FSD1L: variants seen among roughly 807,000 people sequenced by gnomAD.
FSD1L encodes fibronectin type III and SPRY domain containing 1 like, also known as FSD1-like protein.
FSD1L carries 45 observed loss-of-function variants against 71.6 expected under a neutral mutation model. The observed-to-expected ratio is 0.63, with a 90% CI of 0.49 to 0.81. FSD1L has a LOEUF of 0.81. Among genes scored for constraint, FSD1L ranks in the 30% least tolerant of loss-of-function variants. The pLI, the probability that FSD1L is intolerant of heterozygous loss-of-function variation, is 0.00. For synonymous variants in FSD1L, 197 were observed against 207.2 expected (o/e 0.95, Z 0.42); for missense variants, 561 against 618.1 (o/e 0.91, Z 0.98).
rs1048362693 is a variant in FSD1L at position 105,453,042 on chromosome 9, T to C, written c.15+4807T>C. Among the ~76,000 whole-genome samples the C allele has an allele frequency of 1.6e-4, 19 of 120,322 alleles. 1 individual carries two copies. Among genetic ancestry groups the C allele is most frequent in the African/African-American group, 5.9e-4 (17 of 28,880 alleles). The allele number at this position is 120,322 out of a possible 152,430, so 78.9% of individuals were successfully genotyped here. A position where few individuals can be genotyped will look rare whatever the true frequency, so the allele number is the denominator to read the frequency against. On this transcript the variant is annotated intron_variant, in intron 1 of 13. Transcript: ENST00000481272. ...ATGAGCCATCACGTCTGACCTAAAG[T>C]TGTTTTTTTTTTTTTTTTTTTTTTG...
rs368425880 is a variant in FSD1L, at chr9:105,526,200, ATC to A, written c.1026-8289_1026-8288del. 149 of 1,595,808 alleles carry A rather than the reference ATC, an allele frequency of 9.3e-5. No individual in the cohort carries two copies. In the African/African-American group the frequency reaches 1.7e-3, roughly 18 times the overall value. The stretch of plus-strand genomic sequence containing the variant: ...CTATAAATGCAAGCCGTGCTCTGAA[ATC>A]TCTGATTCCATTGTATCAAAACTTC... On this transcript the variant is annotated intron_variant, in intron 10 of 13. Coordinates refer to ENST00000481272, the MANE Select transcript of FSD1L (RefSeq NM_001145313.3).
At chr9:105,494,709 T>C (rs904292250) in intron 7 of FSD1L, among the ~76,000 whole-genome samples, 1 of 152,198 alleles carries the variant, frequency 6.6e-6, no homozygotes, top group Non-Finnish European at 1.5e-5. Flanking sequence ...TTGTTAGTTT[T>C]CCTTCTAACA....
In FSD1L at chr9:105,551,725, T is replaced by G. The variant is rs1384426592; in HGVS notation, c.*5242T>G. Reference sequence around the variant, plus strand: ...TTGTATTTTCTCAAGCCTATTACTCTAGAGCTGTAAAAGCTCTTGCACAGC... The same window carrying G: ...TTGTATTTTCTCAAGCCTATTACTCGAGAGCTGTAAAAGCTCTTGCACAGC... On this transcript the variant is annotated 3_prime_UTR_variant, in exon 14 of 14. Transcript: ENST00000481272. 1 of 152,230 alleles carries G rather than the reference T, an allele frequency of 6.6e-6. No individual in the cohort carries two copies. The highest frequency in any genetic ancestry group is 2.4e-5 in the African/African-American group (1 of 41,478). The allele number at this position is 152,230 out of a possible 1,614,324, so 9.4% of individuals were successfully genotyped here.
chr9:105,476,623 A>G (rs559978396), intron 5 of FSD1L, among the ~76,000 whole-genome samples: 7 of 152,308 alleles, frequency 4.6e-5, no homozygotes, highest in Middle Eastern at 3.4e-3. Context: ...TACTTTACTC[A>G]ACATCACTCT....
At chr9:105,506,650 A>G (rs1760682096) in intron 8 of FSD1L, 42 bp downstream of exon 8, 11 of 1,318,476 alleles carry the variant, frequency 8.3e-6, no homozygotes, top group African/African-American at 1.5e-5. Context: ...TCAGAAGATA[A>G]ATGTATTGTT....
intron 7 of FSD1L, among the ~76,000 whole-genome samples, chr9:105,496,519 C>T (rs190690901): frequency 5.9e-5 from 9 of 152,258 alleles, no homozygotes; most frequent in Admixed American, 3.3e-4. Flanking sequence ...GTATTTCTAT[C>T]CATAAACATT....
intron 1 of FSD1L, among the ~76,000 whole-genome samples, chr9:105,449,915 T>C (rs1246236287): frequency 6.6e-6 from 1 of 152,248 alleles, no homozygotes; most frequent in African/African-American, 2.4e-5. Context: ...AAGAATTAGC[T>C]TCTCTTTCTT....
At chr9:105,486,648 A>G (rs1032271068) in intron 7 of FSD1L, among the ~76,000 whole-genome samples, 5 of 152,158 alleles carry the variant, frequency 3.3e-5, no homozygotes, top group Non-Finnish European at 5.9e-5. Context: ...TCATATAGCT[A>G]TCAGATGTAG....
At chr9:105,518,324 A>G (rs1017490736) in intron 10 of FSD1L, among the ~76,000 whole-genome samples, 3 of 152,254 alleles carry the variant, frequency 2.0e-5, no homozygotes, top group African/African-American at 4.8e-5. Context: ...ATAGACATCT[A>G]TAGAACTCTC....
chr9:105,548,703 C>G lies in FSD1L; in HGVS notation c.*2220C>G, dbSNP rs1358036511. The G allele has an allele frequency of 1.3e-5, 2 of 151,968 alleles. No homozygotes were observed. Among genetic ancestry groups the G allele is most frequent in the African/African-American group, 4.8e-5 (2 of 41,386 alleles). 9.4% of individuals were successfully genotyped at this position (151,968 alleles called of 1,614,324 possible). A position where few individuals can be genotyped will look rare whatever the true frequency, so the allele number is the denominator to read the frequency against. The stretch of plus-strand genomic sequence containing the variant: ...CCTCTCCACTGGAGAGGTTTCATCT[C>G]TGAGAGGTTTTGTAATAATAGTGTA... On this transcript the variant is annotated 3_prime_UTR_variant, in exon 14 of 14. Transcript: ENST00000481272.
chr9:105,482,176 CTCA>C (rs1832251699), intron 6 of FSD1L, among the ~76,000 whole-genome samples: 1 of 152,100 alleles, frequency 6.6e-6, no homozygotes, highest in Non-Finnish European at 1.5e-5. Flanking sequence ...TCTGTGAAAA[CTCA>C]TCATTTATCA....
intron 10 of FSD1L, chr9:105,525,324 T>G: frequency 1.2e-6 from 2 of 1,602,490 alleles, no homozygotes; most frequent in Non-Finnish European, 1.7e-6. Flanking sequence ...GTGTTACTAG[T>G]CCTGAATGCT....
chr9:105,545,177 C>T (rs969791241), intron 13 of FSD1L, among the ~76,000 whole-genome samples: 1 of 150,124 alleles, frequency 6.7e-6, no homozygotes, highest in African/African-American at 2.5e-5. Flanking sequence ...GTATTTTATT[C>T]TCTTTGAAGC....
chr9:105,494,354 G>C (rs1392836831), intron 7 of FSD1L, among the ~76,000 whole-genome samples: 2 of 152,060 alleles, frequency 1.3e-5, no homozygotes, highest in South Asian at 2.1e-4. Context: ...AGCTCCATCA[G>C]CTCCTTTAAG....
chr9:105,533,962 A>T (rs1358781665), intron 10 of FSD1L, among the ~76,000 whole-genome samples: 1 of 152,006 alleles, frequency 6.6e-6, no homozygotes, highest in Non-Finnish European at 1.5e-5. Context: ...ACCTCAGGTG[A>T]TCCTCCTGCC....
At chr9:105,526,758 G>A (rs1835539379) in intron 10 of FSD1L, among the ~76,000 whole-genome samples, 3 of 151,746 alleles carry the variant, frequency 2.0e-5, no homozygotes, top group African/African-American at 7.3e-5. Flanking sequence ...ATATTTTGAG[G>A]GCAGGGGGAG....
rs150972734 is a variant in FSD1L, at chr9:105,470,153, G to A, written c.340-1751G>A. ...TTTATGCCAGTACCACATTGTTTGG[G>A]TTCCTATAGTTTTGTAAGGTATTTT... On this transcript the variant is annotated intron_variant, in intron 4 of 13. Transcript: ENST00000481272. Among the ~76,000 whole-genome samples the A allele has an allele frequency of 4.4e-3, 663 of 152,202 alleles. 2 individuals are homozygous for A. The highest frequency in any genetic ancestry group is 4.9e-3 in the Non-Finnish European group (334 of 68,000).
In FSD1L at chr9:105,528,198, G is replaced by GA. The variant is rs543761830; in HGVS notation, c.1026-6291dup. 3.7e-4 allele frequency among the ~76,000 whole-genome samples: 56 copies of GA among 152,290 alleles called. 1 individual carries two copies. Among genetic ancestry groups the GA allele is most frequent in the Admixed American group, 3.3e-3 (51 of 15,306 alleles). On this transcript the variant is annotated intron_variant, in intron 10 of 13. Transcript: ENST00000481272. ...CATGGATAGGAATAATCAATATCGT[G>GA]AAAATGGCCATACTGCTCAAAGTAA...
In FSD1L at chr9:105,547,595, C is replaced by G. The variant is rs547036460; in HGVS notation, c.*1112C>G. 1.5e-4 allele frequency: 23 copies of G among 152,132 alleles called. No homozygotes were observed. The South Asian group carries it at 4.4e-3, about 29-fold the overall frequency. 9.4% of individuals were successfully genotyped at this position (152,132 alleles called of 1,614,324 possible). On this transcript the variant is annotated 3_prime_UTR_variant, in exon 14 of 14. Transcript: ENST00000481272. ...CCATTCATTCAGAGGTTTGTTTTCT[C>G]TCAGTCCTTTTGCTACATTCACTTT...
Sources: gnomAD v4.1 joint callset for allele counts (sites outside exome capture counted in the v4.1 genomes callset) on GRCh38, gnomAD v4.1.1 for gene constraint, MANE v1.5 for transcripts, NCBI Gene and HGNC (gene_info 2026-07-23, HGNC 2026-07-21) for gene names.